The following PANX1 variants were observed in gnomAD, a reference collection of about 807,000 sequenced individuals.
The protein encoded by PANX1 is pannexin 1.
In PANX1, 30 loss-of-function variants were observed where a neutral mutation model predicts 38.7. The observed-to-expected ratio is 0.78, with a 90% CI of 0.58 to 1.05. The LOEUF is 1.05. PANX1 is among the 50% of genes least tolerant of loss of function. The probability of loss-of-function intolerance (pLI) is 0.00; values close to 1 mark genes in which losing one functional copy is unlikely to be tolerated. For missense variants in PANX1, 551 were observed against 517.2 expected (o/e 1.07, Z -0.63); for synonymous variants, 230 against 212.2 (o/e 1.08, Z -0.73).
chr11:94,170,644 C>T (rs1947154780), intron 2 of PANX1, among the ~76,000 whole-genome samples: 1 of 151,792 alleles, frequency 6.6e-6, no homozygotes, highest in African/African-American at 2.4e-5. Flanking sequence ...GACTGTTAAG[C>T]TGTTAGGGTC....
intron 2 of PANX1, among the ~76,000 whole-genome samples, chr11:94,174,285 C>A (rs549058783): frequency 6.6e-6 from 1 of 151,570 alleles, no homozygotes; most frequent in Non-Finnish European, 1.5e-5. Flanking sequence ...CCCTTCCAGC[C>A]TCTGCTCTGT....
chr11:94,168,865 G>A (rs1947132346), intron 2 of PANX1, among the ~76,000 whole-genome samples: 1 of 151,616 alleles, frequency 6.6e-6, no homozygotes, highest in Admixed American at 6.6e-5. Flanking sequence ...CTAAGATACG[G>A]AAGTAACAAG....
At chr11:94,177,778 G>A (rs1169900087) in intron 2 of PANX1, among the ~76,000 whole-genome samples, 1 of 152,002 alleles carries the variant, frequency 6.6e-6, no homozygotes, top group African/African-American at 2.4e-5. Context: ...ATACGATGAG[G>A]GTGTTGGACT....
chr11:94,152,571 G>C (rs1433164696), intron 1 of PANX1, among the ~76,000 whole-genome samples: 2 of 145,484 alleles, frequency 1.4e-5, no homozygotes, highest in African/African-American at 5.4e-5. Flanking sequence ...GTGGGGACAG[G>C]GGATCAGGGC....
intron 2 of PANX1, among the ~76,000 whole-genome samples, chr11:94,163,987 A>AT (rs373086747): frequency 2.6e-5 from 4 of 151,644 alleles, no homozygotes; most frequent in East Asian, 1.9e-4. Flanking sequence ...AAATTTATCA[A>AT]TTTTTTTTAG....
intron 1 of PANX1, among the ~76,000 whole-genome samples, chr11:94,137,867 T>TATCTTGGTCTGTTTTCCCCCAGAATATA: frequency 7.5e-6 from 1 of 132,814 alleles, no homozygotes; most frequent in African/African-American, 2.8e-5. Flanking sequence ...ACTACTATTC[T>TATCTTGGTCTGTTTTCCCCCAGAATATA]TGAAAAACCA....
Position 94,130,647 on chromosome 11 carries a change from C to T in PANX1, c.181+1154C>T, listed in dbSNP as rs12807306. Among the ~76,000 whole-genome samples the T allele has an allele frequency of 1.2e-3, 186 of 152,216 alleles. 2 individuals are homozygous for T. The highest frequency in any genetic ancestry group is 4.1e-3 in the African/African-American group (169 of 41,524). On this transcript the variant is annotated intron_variant, in intron 1 of 4. Transcript: ENST00000227638. ...AAGGCATCGGCTGAGGTCTTGTGCA[C>T]AGAGGGTGTGAAGAGTGGAAGAAAA...
chr11:94,169,907 G>C (rs1279671876), intron 2 of PANX1, among the ~76,000 whole-genome samples: 1 of 151,678 alleles, frequency 6.6e-6, no homozygotes, highest in Non-Finnish European at 1.5e-5. Flanking sequence ...AGGAGTTAGA[G>C]AGAAATGAAG....
chr11:94,145,627 G>T (rs1946820632), intron 1 of PANX1, among the ~76,000 whole-genome samples: 1 of 152,194 alleles, frequency 6.6e-6, no homozygotes, highest in Non-Finnish European at 1.5e-5. Context: ...ACCATCTCCT[G>T]AGTTATTGCA....
At chr11:94,168,202 C>CA (rs893583517) in intron 2 of PANX1, among the ~76,000 whole-genome samples, 1 of 151,796 alleles carries the variant, frequency 6.6e-6, no homozygotes, top group Admixed American at 6.6e-5. Flanking sequence ...CCCAAAAGCA[C>CA]AAAAAAAGCA....
chr11:94,144,889 T>C (rs1187676369), intron 1 of PANX1, among the ~76,000 whole-genome samples: 1 of 152,172 alleles, frequency 6.6e-6, no homozygotes, highest in Non-Finnish European at 1.5e-5. Context: ...ATGGGTATAA[T>C]GATAGCTAGC....
chr11:94,143,121 G>A (rs1323945628), intron 1 of PANX1, among the ~76,000 whole-genome samples: 1 of 152,166 alleles, frequency 6.6e-6, no homozygotes, highest in Non-Finnish European at 1.5e-5. Context: ...TTTCAGTACT[G>A]AATTTAAACA....
chr11:94,157,016 T>TG (rs1299670531), intron 2 of PANX1, among the ~76,000 whole-genome samples: 1 of 152,104 alleles, frequency 6.6e-6, no homozygotes, highest in Non-Finnish European at 1.5e-5. Context: ...CTGAGAATGA[T>TG]GGTTTCCAGC....
At position 94,180,124 on chromosome 11, in the gene PANX1, C is replaced by T. The variant is rs1947288621; in HGVS notation, c.1068C>T (p.Ser356=). The T allele has an allele frequency of 6.2e-7, 1 of 1,613,984 alleles. No homozygotes were observed. The highest frequency in any genetic ancestry group is 2.2e-5 in the East Asian group (1 of 44,866). Residue 356 remains serine, a synonymous_variant, in exon 4 of 5, where the codon AGC becomes AGT. Coordinates refer to ENST00000227638, the MANE Select transcript of PANX1 (RefSeq NM_015368.4). ...TTAAGGTACTGGAGAATATTAAGAG[C>T]AGTGGTCAGGGGATCGACCCAATGC... The part of the protein sequence containing the change: ...KCLKVLENIK[S]SGQGIDPMLL...
chr11:94,156,164 T>C (rs1214514143), intron 2 of PANX1, among the ~76,000 whole-genome samples: 1 of 152,132 alleles, frequency 6.6e-6, no homozygotes, highest in African/African-American at 2.4e-5. Flanking sequence ...TAAGGGAACT[T>C]TGAGGGATCT....
rs112822859 is a variant in PANX1 at position 94,133,987 on chromosome 11, G to T, written c.181+4494G>T. The stretch of plus-strand genomic sequence containing the variant: ...ATTTAATGATACAAGTGCTGTCCTG[G>T]GTCAGGCCTGTCCTGGCCACCTCCC... On this transcript the variant is annotated intron_variant, in intron 1 of 4. Transcript: ENST00000227638. Among the ~76,000 whole-genome samples the T allele has an allele frequency of 2.0e-5, 3 of 152,028 alleles. No homozygotes were observed. The South Asian group carries it at 6.2e-4, about 32-fold the overall frequency.
At chr11:94,175,494 T>C (rs1040611543) in intron 2 of PANX1, among the ~76,000 whole-genome samples, 2 of 151,768 alleles carry the variant, frequency 1.3e-5, no homozygotes, top group Non-Finnish European at 2.9e-5. Flanking sequence ...CTGTAAATAG[T>C]CACTTTTTAA....
chr11:94,134,290 C>G (rs953559454), intron 1 of PANX1, among the ~76,000 whole-genome samples: 23 of 152,172 alleles, frequency 1.5e-4, no homozygotes, highest in African/African-American at 5.1e-4. Context: ...CACATCTACT[C>G]TCAGATGCCT....
At chr11:94,177,502 G>T in intron 2 of PANX1, among the ~76,000 whole-genome samples, 1 of 152,126 alleles carries the variant, frequency 6.6e-6, no homozygotes, top group South Asian at 2.1e-4. Flanking sequence ...ACTTAGTTCT[G>T]CAGAGTAGAC....
Sources: gnomAD v4.1 joint callset for allele counts (sites outside exome capture counted in the v4.1 genomes callset) on GRCh38, gnomAD v4.1.1 for gene constraint, MANE v1.5 for transcripts, NCBI Gene and HGNC (gene_info 2026-07-23, HGNC 2026-07-21) for gene names.